The following EXOC1 variants were observed in gnomAD, a reference collection of about 807,000 sequenced individuals.
EXOC1 encodes the protein exocyst complex component 1.
EXOC1 carries 67 observed loss-of-function variants against 107.7 expected under a neutral mutation model. The ratio of observed to expected loss-of-function variants is 0.62; its 90% CI spans 0.51 to 0.76. The LOEUF (loss-of-function observed/expected upper bound fraction) is 0.76. Among genes scored for constraint, EXOC1 ranks in the 30% least tolerant of loss-of-function variants. The pLI is 0.00. For synonymous variants in EXOC1, 348 were observed against 353.5 expected (o/e 0.98, Z 0.17); for missense variants, 833 against 1,055.7 (o/e 0.79, Z 2.92).
intron 5 of EXOC1, among the ~76,000 whole-genome samples, chr4:55,870,359 T>A (rs1722312302): frequency 6.6e-6 from 1 of 152,220 alleles, no homozygotes; most frequent in Non-Finnish European, 1.5e-5. Flanking sequence ...GAATGTGCCA[T>A]TACCAGTGAT....
chr4:55,896,984 A>G lies in EXOC1; in HGVS notation c.2137+84A>G, dbSNP rs878967650. 9 of 1,088,024 alleles carry G rather than the reference A, an allele frequency of 8.3e-6. No homozygotes were observed. In the South Asian group the frequency reaches 1.1e-4, roughly 14 times the overall value. 67.4% of individuals were successfully genotyped at this position (1,088,024 alleles called of 1,614,324 possible). ...TAAGAAATCGGGAGCAGATAGGTTCATTATTTTGTATATCTTATAATCTTT... is the reference window on the plus strand; with the variant it reads ...TAAGAAATCGGGAGCAGATAGGTTCGTTATTTTGTATATCTTATAATCTTT... On this transcript the variant is annotated intron_variant, in intron 16 of 18. Coordinates refer to ENST00000381295, the MANE Select transcript of EXOC1 (RefSeq NM_001024924.2).
At chr4:55,864,792 C>A (rs1384969695) in intron 4 of EXOC1, among the ~76,000 whole-genome samples, 1 of 152,160 alleles carries the variant, frequency 6.6e-6, no homozygotes, top group East Asian at 1.9e-4. Context: ...TATGGATATA[C>A]CATGTTTATT....
chr4:55,900,644 G>A (rs1221766580), intron 17 of EXOC1: 1 of 152,180 alleles, frequency 6.6e-6, no homozygotes, highest in African/African-American at 2.4e-5. Context: ...GGGAGGCCAA[G>A]GCAGGCGGAT....
chr4:55,857,146 CA>C (rs1396217568), intron 1 of EXOC1, among the ~76,000 whole-genome samples: 8 of 130,360 alleles, frequency 6.1e-5, no homozygotes, highest in Non-Finnish European at 1.3e-4. Context: ...TAGCATGTTT[CA>C]TTACTTCATT....
chr4:55,892,946 C>T (rs868850677), intron 14 of EXOC1, among the ~76,000 whole-genome samples: 13 of 152,096 alleles, frequency 8.5e-5, no homozygotes, highest in Middle Eastern at 3.2e-3. Flanking sequence ...CTGTTGTTTG[C>T]TGGTAGGGGG....
intron 16 of EXOC1, among the ~76,000 whole-genome samples, chr4:55,897,420 C>T (rs553749658): frequency 6.3e-4 from 96 of 152,202 alleles, no homozygotes; most frequent in Middle Eastern, 3.4e-3. Context: ...AATCAATTCA[C>T]TTATTTAGGA....
intron 8 of EXOC1, chr4:55,872,821 A>G: frequency 3.1e-6 from 3 of 971,454 alleles, no homozygotes; most frequent in Non-Finnish European, 2.4e-6. Flanking sequence ...GAGTACATCA[A>G]ATTTGGCTCA....
intron 8 of EXOC1, chr4:55,875,624 T>A: frequency 1.0e-6 from 1 of 985,374 alleles, no homozygotes; most frequent in Non-Finnish European, 1.2e-6. Flanking sequence ...AGACAATAAT[T>A]TTGAGTCTTG....
intron 4 of EXOC1, 97 bp downstream of exon 4, chr4:55,864,483 T>A: frequency 4.6e-6 from 5 of 1,079,858 alleles, no homozygotes; most frequent in Non-Finnish European, 6.6e-6. Flanking sequence ...CTGAATTATC[T>A]TATCGTAAAA....
intron 12 of EXOC1, among the ~76,000 whole-genome samples, chr4:55,890,915 A>G (rs1424194279): frequency 6.6e-6 from 1 of 152,082 alleles, no homozygotes; most frequent in African/African-American, 2.4e-5. Flanking sequence ...TTTAGTGGAG[A>G]TGGGGTTTCA....
In EXOC1 at chr4:55,871,880, A is replaced by G. The variant is rs1209804861; in HGVS notation, c.996A>G (p.Gln332=). The change falls in exon 8 of 19, where the codon CAA becomes CAG. Residue 332 remains glutamine, a synonymous_variant. Transcript: ENST00000381295. ...GHDLLLAVKQ[Q]QQRFSDLREL... is the part of the protein sequence containing the mutation. Reference sequence around the variant, plus strand: ...ACTTGCTTCTGGCAGTCAAACAGCAACAGCAGCGATTCAGTGATTTGCGAG... The same window carrying G: ...ACTTGCTTCTGGCAGTCAAACAGCAGCAGCAGCGATTCAGTGATTTGCGAG... 1 of 1,613,846 alleles carries G rather than the reference A, an allele frequency of 6.2e-7. No homozygotes were observed. The highest frequency in any genetic ancestry group is 1.1e-5 in the South Asian group (1 of 91,072).
Position 55,902,329 on chromosome 4 carries a change from T to C in EXOC1, c.2338-15T>C. 7.1e-7 allele frequency: 1 copy of C among 1,415,624 alleles called. No homozygotes were observed. Among genetic ancestry groups the C allele is most frequent in the Non-Finnish European group, 9.2e-7 (1 of 1,081,680 alleles). 87.7% of individuals were successfully genotyped at this position (1,415,624 alleles called of 1,614,324 possible). On this transcript the variant is annotated splice_polypyrimidine_tract_variant and intron_variant, in intron 17 of 18. Transcript: ENST00000381295. ...ATGCAGGTCTTAGCCATTGTTTCTTTTCATTTCCTTGAAGCATTTCTTTGA... is the reference window on the plus strand; with the variant it reads ...ATGCAGGTCTTAGCCATTGTTTCTTCTCATTTCCTTGAAGCATTTCTTTGA...
intron 16 of EXOC1, among the ~76,000 whole-genome samples, chr4:55,897,108 T>C (rs1035600167): frequency 6.6e-6 from 1 of 151,984 alleles, no homozygotes; most frequent in Non-Finnish European, 1.5e-5. Flanking sequence ...TGTGGGCTTA[T>C]GACTATGCAA....
At chr4:55,877,729 A>C (rs1723030910) in intron 8 of EXOC1, 188 bp from the exon 9 acceptor site, 1 of 985,184 alleles carries the variant, frequency 1.0e-6, no homozygotes, top group South Asian at 4.7e-5. Context: ...GGTAATGTTC[A>C]TTTGATATAC....
intron 8 of EXOC1, among the ~76,000 whole-genome samples, chr4:55,874,026 A>G (rs1184629150): frequency 3.3e-5 from 5 of 152,182 alleles, no homozygotes; most frequent in Admixed American, 1.3e-4. Context: ...TTAGCAATGT[A>G]TGTAATAAAT....
At chr4:55,892,604 A>G (rs780964653) in intron 13 of EXOC1, 31 bp from the exon 14 acceptor site, 11 of 1,602,960 alleles carry the variant, frequency 6.9e-6, no homozygotes, top group Non-Finnish European at 1.7e-6. Context: ...TTGGTCTTTT[A>G]TTATGTAAAG....
chr4:55,877,756 G>C (rs1723032914), intron 8 of EXOC1, 161 bp from the exon 9 acceptor site: 1 of 984,292 alleles, frequency 1.0e-6, no homozygotes, highest in African/African-American at 1.7e-5. Context: ...TATAAAAGTT[G>C]TGTAAGTATT....
chr4:55,881,527 A>G (rs545333805), intron 9 of EXOC1, among the ~76,000 whole-genome samples: 1 of 152,210 alleles, frequency 6.6e-6, no homozygotes, highest in East Asian at 1.9e-4. Context: ...TGGTCCGAGC[A>G]CACCTTGGTT....
intron 1 of EXOC1, among the ~76,000 whole-genome samples, chr4:55,855,192 C>T (rs190000973): frequency 3.9e-5 from 6 of 152,210 alleles, no homozygotes; most frequent in Admixed American, 3.3e-4. Flanking sequence ...TTAAAATTAT[C>T]TTGTTGTTCA....
Sources: allele counts gnomAD v4.1 joint callset (sites outside exome capture counted in the v4.1 genomes callset), GRCh38; gene constraint gnomAD v4.1.1; transcripts MANE v1.5; gene names NCBI Gene and HGNC (gene_info 2026-07-23, HGNC 2026-07-21).